ABCB4: variants seen among roughly 807,000 people sequenced by gnomAD.
ABCB4 encodes phosphatidylcholine translocator ABCB4.
A neutral mutation model predicts 145.7 loss-of-function variants in ABCB4; 76 were observed. The observed-to-expected ratio is 0.52, with a 90% confidence interval of 0.43 to 0.63. The LOEUF (loss-of-function observed/expected upper bound fraction) is 0.63, where lower values mean the gene tolerates loss of function less well. Among genes scored for constraint, ABCB4 ranks in the 30% least tolerant of loss-of-function variants. The pLI, the probability that ABCB4 is intolerant of heterozygous loss-of-function variation, is 0.00. For synonymous variants in ABCB4, 517 were observed against 566.8 expected (o/e 0.91, Z 1.25); for missense variants, 1,234 against 1,553.1 (o/e 0.79, Z 3.45).
intron 11 of ABCB4, 26 bp downstream of exon 11, chr7:87,443,637 A>G (rs1216965436): frequency 6.3e-7 from 1 of 1,593,418 alleles, no homozygotes; most frequent in Non-Finnish European, 8.6e-7. Context: ...TCAGTTAGGA[A>G]TTCCTATAAA....
chr7:87,416,649 A>G (rs1808996866), intron 21 of ABCB4, among the ~76,000 whole-genome samples: 1 of 152,192 alleles, frequency 6.6e-6, no homozygotes, highest in Non-Finnish European at 1.5e-5. Context: ...GAGCTTTGAA[A>G]CTAGACCTGA....
the ABCB4 span, among the ~76,000 whole-genome samples, chr7:87,386,808 G>A: frequency 6.6e-6 from 1 of 152,106 alleles, no homozygotes; most frequent in Admixed American, 6.6e-5. Context: ...AGTGATCACT[G>A]AGTTTTGTTC....
At chr7:87,429,929 A>T (rs1241102772) in intron 15 of ABCB4, among the ~76,000 whole-genome samples, 3 of 150,732 alleles carry the variant, frequency 2.0e-5, no homozygotes, top group African/African-American at 7.3e-5. Context: ...AAAAAAAAAG[A>T]AAAACAGCTT....
intron 3 of ABCB4, among the ~76,000 whole-genome samples, chr7:87,465,354 G>C (rs1306171746): frequency 6.6e-6 from 1 of 152,150 alleles, no homozygotes; most frequent in African/African-American, 2.4e-5. Context: ...GCTGAGACTT[G>C]AGTAGGTAAA....
intron 4 of ABCB4, among the ~76,000 whole-genome samples, chr7:87,455,167 G>T (rs759645389): frequency 6.6e-6 from 1 of 152,168 alleles, no homozygotes; most frequent in Non-Finnish European, 1.5e-5. Flanking sequence ...GTTGCTCAAA[G>T]GCATGTCAGT....
intron 26 of ABCB4, 110 bp from the exon 27 acceptor site, chr7:87,403,391 T>G: frequency 9.4e-7 from 1 of 1,066,528 alleles, no homozygotes; most frequent in South Asian, 1.3e-5. Context: ...ATAACGTTGT[T>G]TCAACTTAAC....
At chr7:87,436,271 G>A (rs1170399208) in intron 14 of ABCB4, among the ~76,000 whole-genome samples, 1 of 151,090 alleles carries the variant, frequency 6.6e-6, no homozygotes, top group Non-Finnish European at 1.5e-5. Flanking sequence ...AAGATTTTTA[G>A]CAAAAATCTC....
chr7:87,440,962 G>T (rs1290201742), intron 12 of ABCB4, among the ~76,000 whole-genome samples: 1 of 152,086 alleles, frequency 6.6e-6, no homozygotes, highest in Non-Finnish European at 1.5e-5. Flanking sequence ...GGATGATCTT[G>T]ATCTCCTGAC....
intron 3 of ABCB4, among the ~76,000 whole-genome samples, chr7:87,465,332 G>T (rs978722695): frequency 6.6e-6 from 1 of 152,188 alleles, no homozygotes; most frequent in African/African-American, 2.4e-5. Context: ...TGGGGGAAGG[G>T]TGCCCTCCAT....
intron 15 of ABCB4, among the ~76,000 whole-genome samples, chr7:87,430,018 A>T (rs557393704): frequency 7.2e-5 from 11 of 152,232 alleles, no homozygotes; most frequent in African/African-American, 2.6e-4. Context: ...ACAAGTATTC[A>T]GATGTTTATT....
intron 8 of ABCB4, among the ~76,000 whole-genome samples, chr7:87,449,450 T>G (rs1019945446): frequency 1.6e-4 from 24 of 152,224 alleles, no homozygotes; most frequent in Middle Eastern, 6.8e-3. Flanking sequence ...TTTTAAAAAA[T>G]TTTTACTCTT....
intron 23 of ABCB4, among the ~76,000 whole-genome samples, chr7:87,411,454 G>C (rs1808617347): frequency 6.6e-6 from 1 of 152,170 alleles, no homozygotes; most frequent in Non-Finnish European, 1.5e-5. Flanking sequence ...CTCAGGCCTG[G>C]TTAGGGAGAG....
At chr7:87,424,742 T>A (rs1312116916) in intron 16 of ABCB4, among the ~76,000 whole-genome samples, 1 of 152,196 alleles carries the variant, frequency 6.6e-6, no homozygotes, top group African/African-American at 2.4e-5. Flanking sequence ...TGTAACTTTT[T>A]TTAAGGTAAA....
In ABCB4 at chr7:87,451,547, A is replaced by C. The variant is rs1283515909; in HGVS notation, c.708+76T>G. The C allele has an allele frequency of 2.0e-6, 3 of 1,528,452 alleles. No individual in the cohort carries two copies. In the Admixed American group the frequency reaches 5.1e-5, roughly 26 times the overall value. The allele number at this position is 1,528,452 out of a possible 1,614,324, so 94.7% of individuals were successfully genotyped here. A position where few individuals can be genotyped will look rare whatever the true frequency, so the allele number is the denominator to read the frequency against. ...TTTAATGTAGACCTGAACAGGTACA[A>C]GTACGAGACTTCTGCATATTAAAGA... is the stretch of plus-strand genomic sequence containing the variant. On this transcript the variant is annotated intron_variant, in intron 7 of 27. Coordinates refer to ENST00000649586, the MANE Select transcript of ABCB4 (RefSeq NM_000443.4).
At chr7:87,427,679 C>T (rs1406369590) in intron 15 of ABCB4, among the ~76,000 whole-genome samples, 3 of 152,128 alleles carry the variant, frequency 2.0e-5, no homozygotes, top group Non-Finnish European at 4.4e-5. Context: ...GTTCTTGCTC[C>T]TCCCTTCAAG....
the ABCB4 span, chr7:87,391,779 G>C: frequency 2.2e-5 from 32 of 1,486,492 alleles, no homozygotes; most frequent in Non-Finnish European, 2.8e-5. Context: ...CGTGGTCTTT[G>C]AGTAACTAAC....
At chr7:87,387,116 G>A in the ABCB4 span, among the ~76,000 whole-genome samples, 1 of 151,416 alleles carries the variant, frequency 6.6e-6, no homozygotes, top group African/African-American at 2.4e-5. Flanking sequence ...CTGGCCCCTG[G>A]GATCATCACA....
chr7:87,471,533 GC>G (rs1388614449), intron 3 of ABCB4, among the ~76,000 whole-genome samples: 1 of 152,096 alleles, frequency 6.6e-6, no homozygotes, highest in Non-Finnish European at 1.5e-5. Context: ...ATGAATAGGG[GC>G]TTTTGGTTAC....
the ABCB4 span, among the ~76,000 whole-genome samples, chr7:87,373,764 ATAAG>A: frequency 6.6e-6 from 1 of 152,102 alleles, no homozygotes; most frequent in African/African-American, 2.4e-5. Flanking sequence ...GGAGAAACTT[ATAAG>A]AGGAGCTTGG....
Sources: allele counts gnomAD v4.1 joint callset (sites outside exome capture counted in the v4.1 genomes callset), GRCh38; gene constraint gnomAD v4.1.1; transcripts MANE v1.5; gene names NCBI Gene and HGNC (gene_info 2026-07-23, HGNC 2026-07-21).